Variants in CLNK observed in about 807,000 individuals in gnomAD.
The protein encoded by CLNK is cytokine-dependent hematopoietic cell linker.
Under a neutral mutation model 68.6 loss-of-function variants are expected in CLNK, and 74 were observed. The ratio of observed to expected loss-of-function variants is 1.08; its 90% CI spans 0.89 to 1.31. CLNK has a LOEUF of 1.31. Among genes scored for constraint, CLNK ranks in the 50% most tolerant of loss-of-function variants. The pLI is 0.00. For missense variants in CLNK, 553 were observed against 515.3 expected, an observed-to-expected ratio of 1.07 and a Z score of -0.71; for synonymous variants, 198 against 172.2, an observed-to-expected ratio of 1.15 and a Z score of -1.17.
At chr4:10,674,637 T>C (rs1042355821) in intron 1 of CLNK, among the ~76,000 whole-genome samples, 2 of 152,176 alleles carry the variant, frequency 1.3e-5, no homozygotes, top group Non-Finnish European at 1.5e-5. Context: ...AAGGGGACCA[T>C]GTCAAAGAGA....
In CLNK at chr4:10,610,223, A is replaced by AT. The variant is rs1190531448; in HGVS notation, c.12-12175dup. Reference sequence around the variant, plus strand: ...AGGCGCCCGCCACTGCGCCCGGCTAATTTTTTGTATTTTTAGTAGAGACGG... The same window carrying AT: ...AGGCGCCCGCCACTGCGCCCGGCTAATTTTTTTGTATTTTTAGTAGAGACGG... On this transcript the variant is annotated intron_variant, in intron 2 of 18. Transcript: ENST00000226951. 2.7e-5 allele frequency among the ~76,000 whole-genome samples: 4 copies of AT among 148,570 alleles called. No homozygotes were observed. In the South Asian group the frequency reaches 6.4e-4, roughly 24 times the overall value.
intron 2 of CLNK, among the ~76,000 whole-genome samples, chr4:10,604,988 C>CCAAT (rs1721731266): frequency 6.6e-6 from 1 of 152,324 alleles, no homozygotes; most frequent in African/African-American, 2.4e-5. Flanking sequence ...TGGGCCTCAT[C>CCAAT]CAATCAGCTG....
upstream of CLNK, among the ~76,000 whole-genome samples, chr4:10,686,572 G>T (rs1226764689): frequency 6.6e-6 from 1 of 150,814 alleles, no homozygotes; most frequent in Non-Finnish European, 1.5e-5. Context: ...GGGCACTAAG[G>T]GCAGTGGGAG....
At chr4:10,700,948 G>T in the CLNK span, among the ~76,000 whole-genome samples, 10 of 152,164 alleles carry the variant, frequency 6.6e-5, no homozygotes, top group African/African-American at 2.2e-4. Flanking sequence ...CTGTTTCACT[G>T]CTTGAAACAT....
At chr4:10,666,689 C>G (rs1434829837) in intron 2 of CLNK, among the ~76,000 whole-genome samples, 1 of 152,224 alleles carries the variant, frequency 6.6e-6, no homozygotes, top group Admixed American at 6.5e-5. Context: ...GGTCACAACT[C>G]CTGGCAAAGA....
chr4:10,671,489 C>T (rs1287696578), intron 1 of CLNK, among the ~76,000 whole-genome samples: 3 of 152,206 alleles, frequency 2.0e-5, no homozygotes, highest in African/African-American at 7.2e-5. Flanking sequence ...TGGCATTCTA[C>T]AGGGGAAACA....
intron 4 of CLNK, among the ~76,000 whole-genome samples, chr4:10,579,596 A>G (rs530913367): frequency 9.2e-5 from 14 of 152,288 alleles, no homozygotes; most frequent in African/African-American, 2.9e-4. Flanking sequence ...GGGTCCTTGG[A>G]AAGTTTTTGT....
intron 2 of CLNK, among the ~76,000 whole-genome samples, 168 bp from the exon 3 acceptor site, chr4:10,598,217 T>G (rs1721458339): frequency 6.6e-6 from 1 of 152,172 alleles, no homozygotes; most frequent in South Asian, 2.1e-4. Context: ...TAAAGAAAAT[T>G]TGTGTTTAAA....
chr4:10,508,011 A>G lies in CLNK; in HGVS notation c.932T>C (p.Ile311Thr). 6.2e-7 allele frequency: 1 copy of G among 1,611,528 alleles called. No homozygotes were observed. Among genetic ancestry groups the G allele is most frequent in the Non-Finnish European group, 8.5e-7 (1 of 1,178,858 alleles). ...RKDVQHNEWY[I>T]GEYSRQAVEE... ...CACTGCCTGGCGGCTGTATTCTCCA[A>G]TGTACCATTCATTGTGCTGGACATC... The change falls in exon 17 of 19, where the codon ATT becomes ACT. Residue 311 changes from isoleucine (I) to threonine (T), a missense_variant. Coordinates refer to ENST00000226951, the MANE Select transcript of CLNK (RefSeq NM_052964.4).
At chr4:10,493,642 C>T (rs1016509418) in intron 18 of CLNK, among the ~76,000 whole-genome samples, 5 of 152,208 alleles carry the variant, frequency 3.3e-5, no homozygotes, top group Admixed American at 2.0e-4. Context: ...ATTCAGACTA[C>T]ACCACCACCC....
chr4:10,537,664 T>C (rs1718831033), intron 11 of CLNK, among the ~76,000 whole-genome samples: 1 of 58,672 alleles, frequency 1.7e-5, no homozygotes, highest in African/African-American at 7.6e-5. Flanking sequence ...TCTTTCTTTC[T>C]TTCTTTCTTT....
intron 15 of CLNK, 148 bp from the exon 16 acceptor site, chr4:10,513,745 T>A: frequency 1.6e-6 from 1 of 641,628 alleles, no homozygotes; most frequent in Non-Finnish European, 2.4e-6. Flanking sequence ...TCAGTGACCT[T>A]AATTCTCTCT....
chr4:10,592,009 C>T (rs991403414), intron 3 of CLNK, among the ~76,000 whole-genome samples: 1 of 152,240 alleles, frequency 6.6e-6, no homozygotes, highest in African/African-American at 2.4e-5. Flanking sequence ...ACCCAAGACC[C>T]TCTTGGCCGA....
At chr4:10,623,957 G>A (rs999126579) in intron 2 of CLNK, among the ~76,000 whole-genome samples, 2 of 152,244 alleles carry the variant, frequency 1.3e-5, no homozygotes, top group Non-Finnish European at 2.9e-5. Context: ...CATGTTAAAT[G>A]TTACATGCAG....
the CLNK span, among the ~76,000 whole-genome samples, chr4:10,719,833 T>TAAA: frequency 6.6e-6 from 1 of 152,154 alleles, no homozygotes; most frequent in South Asian, 2.1e-4. Flanking sequence ...AAACAAACCT[T>TAAA]GGCAAACTTA....
chr4:10,521,977 G>T (rs545929714), intron 14 of CLNK, among the ~76,000 whole-genome samples: 9 of 152,298 alleles, frequency 5.9e-5, no homozygotes, highest in African/African-American at 2.2e-4. Context: ...TGAAAATTAA[G>T]TCTGGGCGTG....
At chr4:10,545,142 A>T (rs540850666) in intron 8 of CLNK, among the ~76,000 whole-genome samples, 4 of 152,288 alleles carry the variant, frequency 2.6e-5, no homozygotes, top group Admixed American at 1.3e-4. Flanking sequence ...TCACATACAA[A>T]TATATTCATT....
At chr4:10,501,508 G>T in intron 17 of CLNK, 97 bp from the exon 18 acceptor site, 3 of 1,269,094 alleles carry the variant, frequency 2.4e-6, no homozygotes, top group Non-Finnish European at 2.2e-6. Flanking sequence ...GAGATTCCCA[G>T]ATGGATTTAG....
chr4:10,655,751 G>T (rs1173766007), intron 2 of CLNK, among the ~76,000 whole-genome samples: 1 of 142,740 alleles, frequency 7.0e-6, no homozygotes, highest in Non-Finnish European at 1.5e-5. Flanking sequence ...CCGGGTTCAC[G>T]CCATTCTCCT....
Sources: gnomAD v4.1 joint callset for allele counts (sites outside exome capture counted in the v4.1 genomes callset) on GRCh38, gnomAD v4.1.1 for gene constraint, MANE v1.5 for transcripts, NCBI Gene and HGNC (gene_info 2026-07-23, HGNC 2026-07-21) for gene names.